RAB30: variants seen among roughly 807,000 people sequenced by gnomAD.
The protein encoded by RAB30 is RAB30, member RAS oncogene family, also known as ras-related protein Rab-30.
Under a neutral mutation model 25.1 loss-of-function variants are expected in RAB30, and 9 were observed. That is an observed-to-expected ratio of 0.36 (90% confidence interval 0.22 to 0.63). The LOEUF (loss-of-function observed/expected upper bound fraction) is 0.63. RAB30 is among the 20% of genes least tolerant of loss of function. The pLI is 0.69. For missense variants in RAB30, 140 were observed against 243.5 expected (o/e 0.58, Z 2.83); for synonymous variants, 77 against 86.4 (o/e 0.89, Z 0.60).
intron 1 of RAB30, among the ~76,000 whole-genome samples, chr11:83,062,498 A>G (rs1018465849): frequency 6.6e-6 from 1 of 152,222 alleles, no homozygotes; most frequent in Non-Finnish European, 1.5e-5. Flanking sequence ...ATTAGACAAC[A>G]TGAGACAGAA....
intron 1 of RAB30, among the ~76,000 whole-genome samples, chr11:83,031,484 A>G (rs979135865): frequency 6.6e-6 from 1 of 150,832 alleles, no homozygotes; most frequent in Non-Finnish European, 1.5e-5. Flanking sequence ...AGGAGTCAAC[A>G]TTTGGGTAAG....
At chr11:83,065,029 TA>T (rs1403234132) in intron 1 of RAB30, among the ~76,000 whole-genome samples, 2 of 152,200 alleles carry the variant, frequency 1.3e-5, no homozygotes, top group Non-Finnish European at 2.9e-5. Flanking sequence ...TTGAAGATCA[TA>T]AGCCAGTTAT....
At chr11:82,990,207 C>T (rs568415893) in intron 3 of RAB30, among the ~76,000 whole-genome samples, 9 of 152,294 alleles carry the variant, frequency 5.9e-5, no homozygotes, top group African/African-American at 1.9e-4. Context: ...ATTGCCTCAC[C>T]GTCATAATAA....
intron 3 of RAB30, chr11:82,992,341 C>T (rs1043706807): frequency 2.2e-6 from 1 of 456,244 alleles, no homozygotes; most frequent in East Asian, 6.9e-5. Context: ...AGTGCTCCAG[C>T]TCCCCATTCA....
chr11:83,059,369 A>G (rs1351878653), intron 1 of RAB30, among the ~76,000 whole-genome samples: 1 of 152,114 alleles, frequency 6.6e-6, no homozygotes, highest in Non-Finnish European at 1.5e-5. Flanking sequence ...CCATATCTGT[A>G]CTTAGAGAAC....
At chr11:83,036,863 G>GA (rs1254998514) in intron 1 of RAB30, among the ~76,000 whole-genome samples, 1 of 152,200 alleles carries the variant, frequency 6.6e-6, no homozygotes, top group Non-Finnish European at 1.5e-5. Flanking sequence ...GAACATAAAG[G>GA]AGAACAGGGA....
chr11:83,018,143 A>G (rs1370523640), intron 1 of RAB30, among the ~76,000 whole-genome samples: 2 of 152,006 alleles, frequency 1.3e-5, no homozygotes, highest in African/African-American at 4.8e-5. Flanking sequence ...TACTAAAAAT[A>G]CAAAAATTAG....
In RAB30 at chr11:82,979,534, C is replaced by G. The variant is rs1391614058; in HGVS notation, c.*2631G>C. On this transcript the variant is annotated 3_prime_UTR_variant, in exon 5 of 5. Coordinates refer to ENST00000527633, the MANE Select transcript of RAB30 (RefSeq NM_001286060.2). ...GGGTTAAGATGACTGTATTTAGTGT[C>G]CTTTCTCAAGTTCTACTTGAAGGAA... is the stretch of plus-strand genomic sequence containing the variant. 1 of 152,086 alleles carries G rather than the reference C, an allele frequency of 6.6e-6. No individual in the cohort carries two copies. Among genetic ancestry groups the G allele is most frequent in the African/African-American group, 2.4e-5 (1 of 41,430 alleles). The allele number at this position is 152,086 out of a possible 1,614,324, so 9.4% of individuals were successfully genotyped here.
chr11:83,019,291 G>C (rs961645326), intron 1 of RAB30, among the ~76,000 whole-genome samples: 2 of 152,168 alleles, frequency 1.3e-5, no homozygotes, highest in Non-Finnish European at 2.9e-5. Flanking sequence ...CTCCCAAAGT[G>C]CTGGGATTAC....
At chr11:82,996,200 G>A (rs1856954873) in intron 2 of RAB30, among the ~76,000 whole-genome samples, 1 of 152,188 alleles carries the variant, frequency 6.6e-6, no homozygotes, top group African/African-American at 2.4e-5. Flanking sequence ...GGGCCCTCTA[G>A]CTATTTGTTA....
intron 1 of RAB30, among the ~76,000 whole-genome samples, chr11:83,036,754 G>T (rs1240617274): frequency 6.6e-6 from 1 of 152,188 alleles, no homozygotes; most frequent in Admixed American, 6.5e-5. Context: ...CCTGAAAGAT[G>T]AGAATAAGCC....
Position 82,977,659 on chromosome 11 carries a change from T to G in RAB30, c.*4506A>C, listed in dbSNP as rs913587936. 12 of 152,164 alleles carry G rather than the reference T, an allele frequency of 7.9e-5. No homozygotes were observed. The highest frequency in any genetic ancestry group is 2.9e-4 in the African/African-American group (12 of 41,428). The allele number at this position is 152,164 out of a possible 1,614,324, so 9.4% of individuals were successfully genotyped here. On this transcript the variant is annotated 3_prime_UTR_variant, in exon 5 of 5. Coordinates refer to ENST00000527633, the MANE Select transcript of RAB30 (RefSeq NM_001286060.2). ...GAGCATCTTGTTCTAATGCACTAAT[T>G]GTATTCCCCTCTTTTTCCTAACCTA...
chr11:83,033,254 G>A (rs962267673), intron 1 of RAB30, among the ~76,000 whole-genome samples: 5 of 147,598 alleles, frequency 3.4e-5, no homozygotes, highest in African/African-American at 1.0e-4. Context: ...TAGTAGAGAC[G>A]GGGGTTTCAC....
chr11:82,991,731 T>C (rs2121451566), intron 3 of RAB30, among the ~76,000 whole-genome samples: 1 of 152,298 alleles, frequency 6.6e-6, no homozygotes, highest in South Asian at 2.1e-4. Context: ...GAGCCAACTG[T>C]CACTTTTTAT....
At chr11:83,014,899 G>T (rs1378346088) in intron 1 of RAB30, among the ~76,000 whole-genome samples, 21 of 152,046 alleles carry the variant, frequency 1.4e-4, no homozygotes, top group African/African-American at 5.1e-4. Flanking sequence ...CATGAAGAAT[G>T]GAAGAAGTAC....
rs1856487321 is a variant in RAB30, at chr11:82,973,397, T to C, written c.*8768A>G. On this transcript the variant is annotated 3_prime_UTR_variant, in exon 5 of 5. Transcript: ENST00000527633. ...GTCCAATTTTAAAAGACAGACAATA[T>C]ATAAAATAACTTACATATTTAAAAT... The C allele has an allele frequency of 6.6e-6, 1 of 152,210 alleles. No homozygotes were observed. The highest frequency in any genetic ancestry group is 6.5e-5 in the Admixed American group (1 of 15,278). The allele number at this position is 152,210 out of a possible 1,614,324, so 9.4% of individuals were successfully genotyped here. A position where few individuals can be genotyped will look rare whatever the true frequency, so the allele number is the denominator to read the frequency against.
At chr11:83,036,631 T>C (rs1030312403) in intron 1 of RAB30, among the ~76,000 whole-genome samples, 1 of 152,212 alleles carries the variant, frequency 6.6e-6, no homozygotes, top group Admixed American at 6.5e-5. Context: ...AAAGAACTAC[T>C]GTTCTCATGA....
rs1856648991 is a variant in RAB30, at chr11:82,982,100, C to T, written c.*65G>A. 6.3e-7 allele frequency: 1 copy of T among 1,596,374 alleles called. No homozygotes were observed. The highest frequency in any genetic ancestry group is 1.3e-5 in the African/African-American group (1 of 74,634). ...GCGGGAGCCACAGTCATCGCCAGAT[C>T]TCCCCAGCATCTCATGGCCCATCAG... On this transcript the variant is annotated 3_prime_UTR_variant, in exon 5 of 5. Coordinates refer to ENST00000527633, the MANE Select transcript of RAB30 (RefSeq NM_001286060.2).
chr11:82,998,088 A>G (rs1856996626), intron 1 of RAB30, among the ~76,000 whole-genome samples: 1 of 152,188 alleles, frequency 6.6e-6, no homozygotes, highest in Non-Finnish European at 1.5e-5. Context: ...AACACTTTCA[A>G]CACTTCTCTG....
Sources: allele counts gnomAD v4.1 joint callset (sites outside exome capture counted in the v4.1 genomes callset), GRCh38; gene constraint gnomAD v4.1.1; transcripts MANE v1.5; gene names NCBI Gene and HGNC (gene_info 2026-07-23, HGNC 2026-07-21).